Variants in PRKN observed in about 807,000 individuals in gnomAD.
The protein encoded by PRKN is parkin RBR E3 ubiquitin protein ligase, also known as E3 ubiquitin-protein ligase parkin.
PRKN carries 56 observed loss-of-function variants against 59.5 expected under a neutral mutation model. That is an observed-to-expected ratio of 0.94 (90% CI 0.76 to 1.18). The LOEUF (loss-of-function observed/expected upper bound fraction) is 1.18, where lower values mean the gene tolerates loss of function less well. Among genes scored for constraint, PRKN ranks in the 50% most tolerant of loss-of-function variants. The pLI, the probability that PRKN is intolerant of heterozygous loss-of-function variation, is 0.00. For synonymous variants in PRKN, 250 were observed against 222.1 expected (o/e 1.13, Z -1.12); for missense variants, 657 against 596.4 (o/e 1.10, Z -1.06).
At chr6:162,658,651 A>C (rs1173570246) in intron 1 of PRKN, among the ~76,000 whole-genome samples, 4 of 124,158 alleles carry the variant, frequency 3.2e-5, no homozygotes, top group African/African-American at 1.3e-4. Context: ...ACAGAGTGAG[A>C]CTCTGTCAAA....
intron 3 of PRKN, among the ~76,000 whole-genome samples, chr6:162,203,589 C>A (rs1380538916): frequency 1.3e-5 from 2 of 152,156 alleles, no homozygotes; most frequent in Non-Finnish European, 1.5e-5. Context: ...AACACCCCGA[C>A]AATCTTCTGG....
At chr6:161,743,213 CTTTTTT>C (rs768890758) in intron 7 of PRKN, among the ~76,000 whole-genome samples, 7 of 84,572 alleles carry the variant, frequency 8.3e-5, no homozygotes, top group Admixed American at 1.5e-4. Flanking sequence ...TGGTTTCTAC[CTTTTTT>C]TTTTTTTTTT....
chr6:162,208,045 C>T (rs9295185), intron 3 of PRKN, among the ~76,000 whole-genome samples: 107,684 of 152,054 alleles, frequency 0.71, 38,606 homozygotes, highest in East Asian at 0.87. Flanking sequence ...AAATTACTTA[C>T]ATAAGAACTA....
At chr6:161,627,772 G>T (rs1353711326) in intron 7 of PRKN, among the ~76,000 whole-genome samples, 1 of 152,184 alleles carries the variant, frequency 6.6e-6, no homozygotes, top group East Asian at 1.9e-4. Flanking sequence ...ATGCACCAGG[G>T]TGACTAGGAT....
At chr6:161,617,408 T>A (rs1782737808) in intron 7 of PRKN, among the ~76,000 whole-genome samples, 1 of 152,254 alleles carries the variant, frequency 6.6e-6, no homozygotes, top group African/African-American at 2.4e-5. Context: ...CTTCTTTTGG[T>A]ACTTAAAATA....
intron 6 of PRKN, among the ~76,000 whole-genome samples, chr6:161,790,920 A>C (rs1209157172): frequency 6.6e-6 from 1 of 152,182 alleles, no homozygotes; most frequent in Non-Finnish European, 1.5e-5. Context: ...GTTACTAAGA[A>C]CTGGACTATG....
In PRKN at chr6:162,173,044, G is replaced by A. The variant is rs11965092; in HGVS notation, c.534+28087C>T. Among the ~76,000 whole-genome samples the A allele has an allele frequency of 1.6e-3, 248 of 152,288 alleles. 1 individual carries two copies. The highest frequency in any genetic ancestry group is 5.8e-3 in the African/African-American group (243 of 41,566). ...ATTGAATGGCTTGGGGATGGGGAAGGAGAAACTGGGGGGCAGAGGTGAATA... is the reference window on the plus strand; with the variant it reads ...ATTGAATGGCTTGGGGATGGGGAAGAAGAAACTGGGGGGCAGAGGTGAATA... On this transcript the variant is annotated intron_variant, in intron 4 of 11. Coordinates refer to ENST00000366898, the MANE Select transcript of PRKN (RefSeq NM_004562.3).
intron 7 of PRKN, among the ~76,000 whole-genome samples, chr6:161,631,312 C>G (rs1393936197): frequency 6.6e-6 from 1 of 152,220 alleles, no homozygotes; most frequent in African/African-American, 2.4e-5. Context: ...ATCTGCAAAG[C>G]ACTAGAGTAC....
chr6:162,403,542 A>G (rs1246029789), intron 2 of PRKN, among the ~76,000 whole-genome samples: 2 of 152,100 alleles, frequency 1.3e-5, no homozygotes, highest in Admixed American at 6.5e-5. Context: ...CTTTAAAAGG[A>G]GGCTCCAAGA....
intron 3 of PRKN, among the ~76,000 whole-genome samples, chr6:162,226,143 G>C (rs1778171148): frequency 6.6e-6 from 1 of 150,960 alleles, no homozygotes; most frequent in African/African-American, 2.4e-5. Flanking sequence ...TAAGGAGAAA[G>C]AGTCAGTGCT....
At chr6:162,364,972 T>G (rs1046015383) in intron 2 of PRKN, among the ~76,000 whole-genome samples, 1 of 145,472 alleles carries the variant, frequency 6.9e-6, no homozygotes, top group Non-Finnish European at 1.5e-5. Flanking sequence ...CCTCTCTCTC[T>G]CTCTCTCTTT....
At chr6:161,842,563 T>C (rs1793033453) in intron 6 of PRKN, among the ~76,000 whole-genome samples, 1 of 152,118 alleles carries the variant, frequency 6.6e-6, no homozygotes, top group East Asian at 1.9e-4. Context: ...TCCTTCTCTT[T>C]TTTTTCTTTT....
chr6:162,604,077 G>A (rs918012036), intron 1 of PRKN, among the ~76,000 whole-genome samples: 2 of 152,268 alleles, frequency 1.3e-5, no homozygotes, highest in Middle Eastern at 3.4e-3. Context: ...AGGTGTGTGA[G>A]TTCGACCTGA....
intron 1 of PRKN, among the ~76,000 whole-genome samples, chr6:162,475,882 GC>G (rs776559089): frequency 2.0e-5 from 3 of 151,988 alleles, no homozygotes; most frequent in Non-Finnish European, 2.9e-5. Flanking sequence ...CTCCCAAGTA[GC>G]TGGGATTACA....
At chr6:161,629,988 T>C (rs1472694155) in intron 7 of PRKN, among the ~76,000 whole-genome samples, 1 of 152,056 alleles carries the variant, frequency 6.6e-6, no homozygotes, top group Non-Finnish European at 1.5e-5. Flanking sequence ...ACTGAAGGAG[T>C]TCACAAGCTT....
At position 161,456,426 on chromosome 6, in the gene PRKN, A is replaced by G. The variant is rs1789973143; in HGVS notation, c.1084-69549T>C. On this transcript the variant is annotated intron_variant, in intron 9 of 11. Transcript: ENST00000366898. The surrounding 1 kb of genome is among the most constrained non-coding windows in gnomAD (Gnocchi z 4.8). ...GGGGCTCTCAGGCCTTTGGCCACAG[A>G]CTGAAGGCTGCACTGTCGGCTTCCC... Among the ~76,000 whole-genome samples, 1 of 152,184 alleles carries G rather than the reference A, an allele frequency of 6.6e-6. No homozygotes were observed. Among genetic ancestry groups the G allele is most frequent in the South Asian group, 2.1e-4 (1 of 4,832 alleles).
At chr6:161,829,790 G>C (rs542979444) in intron 6 of PRKN, among the ~76,000 whole-genome samples, 14 of 151,164 alleles carry the variant, frequency 9.3e-5, no homozygotes, top group African/African-American at 3.4e-4. Flanking sequence ...CCAGAGCTTC[G>C]GGAACCTGTG....
At chr6:162,679,455 A>T (rs529108562) in intron 1 of PRKN, among the ~76,000 whole-genome samples, 16 of 152,132 alleles carry the variant, frequency 1.1e-4, no homozygotes, top group Non-Finnish European at 2.4e-4. Context: ...CAGTTTATAA[A>T]TTGTTTTATT....
chr6:162,322,990 A>C (rs974459707), intron 2 of PRKN, among the ~76,000 whole-genome samples: 8 of 147,824 alleles, frequency 5.4e-5, no homozygotes, highest in Non-Finnish European at 1.2e-4. Context: ...CAAACACCGC[A>C]TATTCTCACT....
Sources: gnomAD v4.1 joint callset for allele counts (sites outside exome capture counted in the v4.1 genomes callset) on GRCh38, gnomAD v4.1.1 for gene constraint, Gnocchi (gnomAD v3.1) non-coding constraint, MANE v1.5 for transcripts, NCBI Gene and HGNC (gene_info 2026-07-23, HGNC 2026-07-21) for gene names.